SANBR: variants seen among roughly 807,000 people sequenced by gnomAD.
The protein encoded by SANBR is SANT and BTB domain regulator of CSR, also known as SANT and BTB domain regulator of class switch recombination.
Under a neutral mutation model 101.8 loss-of-function variants are expected in SANBR, and 77 were observed. The ratio of observed to expected loss-of-function variants is 0.76; its 90% confidence interval spans 0.63 to 0.91. The LOEUF is 0.91. SANBR is among the 40% of genes least tolerant of loss of function. The pLI is 0.00. For synonymous variants in SANBR, 279 were observed against 274.7 expected (o/e 1.02, Z -0.15); for missense variants, 875 against 853.0 (o/e 1.03, Z -0.32).
chr2:61,116,259 A>T (rs1444005260), intron 17 of SANBR, among the ~76,000 whole-genome samples, 189 bp downstream of exon 17: 1 of 152,224 alleles, frequency 6.6e-6, no homozygotes, highest in Non-Finnish European at 1.5e-5. Flanking sequence ...GCAGAAACGT[A>T]TAGTGGTATA....
chr2:61,115,176 T>C (rs1054422886), intron 16 of SANBR, among the ~76,000 whole-genome samples: 1 of 152,144 alleles, frequency 6.6e-6, no homozygotes, highest in Non-Finnish European at 1.5e-5. Context: ...CCTGGAGCTT[T>C]TGTTATAGGA....
intron 1 of SANBR, among the ~76,000 whole-genome samples, chr2:61,066,699 C>G (rs889274274): frequency 2.6e-5 from 4 of 152,222 alleles, no homozygotes; most frequent in African/African-American, 7.2e-5. Flanking sequence ...GAAAACGTCT[C>G]TGTCTCCAAG....
chr2:61,109,375 G>A, intron 16 of SANBR, 79 bp downstream of exon 16: 1 of 766,846 alleles, frequency 1.3e-6, no homozygotes, highest in Non-Finnish European at 2.1e-6. Context: ...CAAGGGATGG[G>A]GAATTGGTTT....
At chr2:61,096,475 T>C (rs1683036472) in intron 11 of SANBR, among the ~76,000 whole-genome samples, 1 of 152,198 alleles carries the variant, frequency 6.6e-6, no homozygotes, top group Non-Finnish European at 1.5e-5. Flanking sequence ...ACAACCTCTG[T>C]CTACCCACCA....
rs567780469 is a variant in SANBR, at chr2:61,123,986, C to T, written c.*1824C>T. The T allele has an allele frequency of 1.8e-5, 6 of 324,604 alleles. No individual in the cohort carries two copies. The highest frequency in any genetic ancestry group is 4.5e-5 in the African/African-American group (2 of 44,622). The allele number at this position is 324,604 out of a possible 1,614,324, so 20.1% of individuals were successfully genotyped here. A position where few individuals can be genotyped will look rare whatever the true frequency, so the allele number is the denominator to read the frequency against. ...GCATACACCTGTAGTCCCAGCTACT[C>T]GGGAGGCTGAGGCACAAGAATTGTT... On this transcript the variant is annotated 3_prime_UTR_variant, in exon 22 of 22. Transcript: ENST00000402291.
At chr2:61,129,039 C>G (rs558181990), downstream of SANBR, among the ~76,000 whole-genome samples, 5 of 152,154 alleles carry the variant, frequency 3.3e-5, no homozygotes, top group Non-Finnish European at 7.4e-5. Flanking sequence ...ATCCTACATT[C>G]AGCAAAAATT....
At chr2:61,127,759 C>T (rs551359575), downstream of SANBR, among the ~76,000 whole-genome samples, 2 of 152,038 alleles carry the variant, frequency 1.3e-5, no homozygotes, top group South Asian at 4.2e-4. Flanking sequence ...CGCTAACATA[C>T]ATCTAATGGA....
chr2:61,091,156 T>G (rs543440016), intron 10 of SANBR, among the ~76,000 whole-genome samples: 1 of 152,106 alleles, frequency 6.6e-6, no homozygotes, highest in African/African-American at 2.4e-5. Flanking sequence ...TTAGAAAAGA[T>G]TGAAATAAAG....
At chr2:61,074,000 G>A (rs913575131) in intron 5 of SANBR, among the ~76,000 whole-genome samples, 10 of 151,630 alleles carry the variant, frequency 6.6e-5, no homozygotes, top group Non-Finnish European at 1.2e-4. Context: ...GTATTGTTTT[G>A]CCTATTTTTA....
intron 1 of SANBR, among the ~76,000 whole-genome samples, chr2:61,067,826 C>G (rs886618394): frequency 3.9e-5 from 6 of 152,190 alleles, no homozygotes; most frequent in Non-Finnish European, 2.9e-5. Flanking sequence ...ACTAGGCAAA[C>G]AAGTAGAGAT....
intron 10 of SANBR, among the ~76,000 whole-genome samples, chr2:61,089,832 A>T (rs1049911324): frequency 1.3e-5 from 2 of 152,206 alleles, no homozygotes; most frequent in Non-Finnish European, 2.9e-5. Flanking sequence ...ATCCAGTATC[A>T]TTCAGGCTGA....
At chr2:61,108,668 CTT>C (rs35192103) in intron 15 of SANBR, among the ~76,000 whole-genome samples, 1 of 145,690 alleles carries the variant, frequency 6.9e-6, no homozygotes, top group East Asian at 2.0e-4. Flanking sequence ...GAAGGGTTGG[CTT>C]TTTTTTTTTT....
intron 12 of SANBR, among the ~76,000 whole-genome samples, chr2:61,101,165 A>G (rs756870638): frequency 6.6e-6 from 1 of 152,204 alleles, no homozygotes; most frequent in Non-Finnish European, 1.5e-5. Context: ...TTTACATACA[A>G]AGATACTTAA....
chr2:61,123,693 T>A lies in SANBR; in HGVS notation c.*1531T>A, dbSNP rs1320590122. The A allele has an allele frequency of 5.1e-6, 5 of 985,200 alleles. No homozygotes were observed. The East Asian group carries it at 4.5e-4, about 88-fold the overall frequency. 61.0% of individuals were successfully genotyped at this position (985,200 alleles called of 1,614,324 possible). ...ATAAGGAAAAAATATATATGCTCTT[T>A]TGATTTTTAACTGATGGTAAAAAGG... On this transcript the variant is annotated 3_prime_UTR_variant, in exon 22 of 22. Transcript: ENST00000402291.
At chr2:61,124,376 C>G (rs1014606378), downstream of SANBR, 6 of 530,782 alleles carry the variant, frequency 1.1e-5, no homozygotes, top group African/African-American at 8.3e-5. Context: ...GGAAAATTAT[C>G]TCTGCTACAA....
At chr2:61,130,089 TG>T (rs1248435365) in intron 20 of SANBR, among the ~76,000 whole-genome samples, 5 of 152,130 alleles carry the variant, frequency 3.3e-5, no homozygotes, top group Admixed American at 1.3e-4. Flanking sequence ...ATATAATTTT[TG>T]CTTTCTCCAT....
intron 10 of SANBR, 84 bp downstream of exon 10, chr2:61,088,552 C>A: frequency 1.1e-6 from 1 of 893,332 alleles, no homozygotes; most frequent in Non-Finnish European, 1.6e-6. Context: ...CGGAGTCTTA[C>A]TCTGTCACCC....
intron 1 of SANBR, among the ~76,000 whole-genome samples, chr2:61,067,651 G>A (rs539090619): frequency 1.8e-4 from 28 of 152,224 alleles, no homozygotes; most frequent in Middle Eastern, 3.4e-3. Context: ...CAGGAGAATC[G>A]CTTGAACCCG....
intron 20 of SANBR, among the ~76,000 whole-genome samples, chr2:61,132,055 A>G (rs1024204261): frequency 6.6e-6 from 1 of 152,272 alleles, no homozygotes; most frequent in African/African-American, 2.4e-5. Context: ...GTAAGAGTCA[A>G]AACTGTAAAA....
Sources: gnomAD v4.1 joint callset for allele counts (sites outside exome capture counted in the v4.1 genomes callset) on GRCh38, gnomAD v4.1.1 for gene constraint, MANE v1.5 for transcripts, NCBI Gene and HGNC (gene_info 2026-07-23, HGNC 2026-07-21) for gene names.